Variants in PTPRD observed in about 807,000 individuals in gnomAD.
PTPRD encodes the protein protein tyrosine phosphatase receptor type D.
A neutral mutation model predicts 214.5 loss-of-function variants in PTPRD; 34 were observed. The observed-to-expected ratio is 0.16, with a 90% CI of 0.12 to 0.21. The LOEUF (loss-of-function observed/expected upper bound fraction) is 0.21. PTPRD is among the 10% of genes least tolerant of loss of function. The pLI is 1.00. For missense variants in PTPRD, 2,545 were observed against 2,398.7 expected (o/e 1.06, Z -1.27); for synonymous variants, 1,128 against 845.7 (o/e 1.33, Z -5.79).
Position 10,564,351 on chromosome 9 carries a change from C to T in PTPRD, c.-600+48047G>A, listed in dbSNP as rs549987002. 4.0e-5 allele frequency among the ~76,000 whole-genome samples: 6 copies of T among 150,736 alleles called. No homozygotes were observed. The South Asian group carries it at 1.0e-3, about 26-fold the overall frequency. ...TTTTAAAATAGACGAAACCGTTTTC[C>T]AGTGAACTATATTTTCCCTGATTTC... On this transcript the variant is annotated intron_variant, in intron 2 of 45. Coordinates refer to ENST00000381196, the MANE Select transcript of PTPRD (RefSeq NM_002839.4).
chr9:8,588,381 A>C (rs2093834726), intron 14 of PTPRD, among the ~76,000 whole-genome samples: 1 of 152,182 alleles, frequency 6.6e-6, no homozygotes. Context: ...TATTAAGCTT[A>C]TGACAACTGC....
intron 28 of PTPRD, 134 bp downstream of exon 28, chr9:8,485,628 A>C: frequency 1.2e-6 from 1 of 830,334 alleles, no homozygotes; most frequent in Non-Finnish European, 1.8e-6. Context: ...AGTAAGTTTT[A>C]CATACTTTAC....
At chr9:8,395,223 C>T (rs2090793116) in intron 36 of PTPRD, among the ~76,000 whole-genome samples, 2 of 152,142 alleles carry the variant, frequency 1.3e-5, no homozygotes, top group African/African-American at 4.8e-5. Context: ...ACAAAAGCTA[C>T]CTTTCATTTG....
chr9:8,469,358 T>A (rs2096608474), intron 31 of PTPRD, among the ~76,000 whole-genome samples: 1 of 152,100 alleles, frequency 6.6e-6, no homozygotes. Flanking sequence ...TTGATGTCAT[T>A]CTGGCTTGGA....
chr9:9,851,549 A>C (rs1465508857), intron 5 of PTPRD, among the ~76,000 whole-genome samples: 1 of 152,254 alleles, frequency 6.6e-6, no homozygotes, highest in Non-Finnish European at 1.5e-5. Context: ...TACATTATTT[A>C]CAAAAGGTGT....
intron 7 of PTPRD, among the ~76,000 whole-genome samples, chr9:9,668,478 T>A (rs574434693): frequency 6.6e-5 from 10 of 152,280 alleles, no homozygotes; most frequent in African/African-American, 2.4e-4. Context: ...TACTACTGCC[T>A]TTTTAGTACA....
intron 12 of PTPRD, among the ~76,000 whole-genome samples, chr9:8,703,152 T>C (rs77389897): frequency 0.039 from 5,938 of 152,296 alleles, 174 homozygotes; most frequent in Non-Finnish European, 0.064. Flanking sequence ...AATCTGGAAA[T>C]CTATTTAGAC....
intron 2 of PTPRD, among the ~76,000 whole-genome samples, chr9:10,592,811 G>A (rs541870973): frequency 4.6e-5 from 7 of 152,070 alleles, no homozygotes; most frequent in African/African-American, 1.7e-4. Flanking sequence ...CAATCGCAGG[G>A]AGGATTGAAA....
chr9:10,023,625 T>G (rs2096866191), intron 4 of PTPRD, among the ~76,000 whole-genome samples: 1 of 150,148 alleles, frequency 6.7e-6, no homozygotes, highest in African/African-American at 2.5e-5. Context: ...GGAACTATTT[T>G]TTTTTTTCTA....
chr9:8,742,836 G>C (rs1279878635), intron 11 of PTPRD, among the ~76,000 whole-genome samples: 2 of 152,098 alleles, frequency 1.3e-5, no homozygotes, highest in African/African-American at 4.8e-5. Flanking sequence ...TCCATCCTCA[G>C]GGTGATCAAA....
At chr9:8,879,031 C>G (rs2098419573) in intron 11 of PTPRD, among the ~76,000 whole-genome samples, 1 of 152,182 alleles carries the variant, frequency 6.6e-6, no homozygotes, top group African/African-American at 2.4e-5. Context: ...TACTGTGGAA[C>G]ACTTATTTTA....
In PTPRD at chr9:9,451,291, A is replaced by C. The variant is rs139409524; in HGVS notation, c.-236-53809T>G. Reference sequence around the variant, plus strand: ...ATAAGGTTTAAAGAGAAATAAACACAAGGCTATAGGAAAACACTTCATCTG... The same window carrying C: ...ATAAGGTTTAAAGAGAAATAAACACCAGGCTATAGGAAAACACTTCATCTG... On this transcript the variant is annotated intron_variant, in intron 8 of 45. Transcript: ENST00000381196. Among the ~76,000 whole-genome samples, 52 of 151,860 alleles carry C rather than the reference A, an allele frequency of 3.4e-4. 1 individual carries two copies. The East Asian group carries it at 8.1e-3, about 24-fold the overall frequency.
intron 10 of PTPRD, among the ~76,000 whole-genome samples, chr9:9,144,589 T>TA (rs1286209749): frequency 2.6e-5 from 4 of 151,910 alleles, no homozygotes; most frequent in African/African-American, 9.7e-5. Context: ...CCGTCTCTAC[T>TA]AAAAATAGAA....
At chr9:8,897,569 C>A (rs2098630144) in intron 11 of PTPRD, among the ~76,000 whole-genome samples, 1 of 152,164 alleles carries the variant, frequency 6.6e-6, no homozygotes, top group African/African-American at 2.4e-5. Context: ...CATGAGCTGT[C>A]TGCACCAGTA....
chr9:9,090,224 T>G (rs2099773590), intron 10 of PTPRD, among the ~76,000 whole-genome samples: 4 of 152,030 alleles, frequency 2.6e-5, no homozygotes, highest in Admixed American at 2.0e-4. Flanking sequence ...TCCATACCCT[T>G]CTCAGCCTCT....
chr9:8,348,718 A>G (rs187148508), intron 39 of PTPRD, among the ~76,000 whole-genome samples: 1 of 152,278 alleles, frequency 6.6e-6, no homozygotes. Context: ...CAAATTAAAC[A>G]TGTTTTATGC....
intron 2 of PTPRD, among the ~76,000 whole-genome samples, chr9:10,465,094 C>A (rs879665903): frequency 6.6e-6 from 1 of 152,090 alleles, no homozygotes; most frequent in South Asian, 2.1e-4. Flanking sequence ...ATAGAAAACA[C>A]TGAGTGCCTT....
intron 11 of PTPRD, among the ~76,000 whole-genome samples, chr9:8,785,285 C>A (rs1054983230): frequency 6.6e-6 from 1 of 152,156 alleles, no homozygotes; most frequent in African/African-American, 2.4e-5. Flanking sequence ...GTCATACCGG[C>A]ATAACTATTG....
At chr9:9,432,753 T>C (rs1014360966) in intron 8 of PTPRD, among the ~76,000 whole-genome samples, 1 of 152,226 alleles carries the variant, frequency 6.6e-6, no homozygotes, top group Non-Finnish European at 1.5e-5. Flanking sequence ...GAAGCCACTT[T>C]AATACCTAAG....
Sources: gnomAD v4.1 joint callset for allele counts (sites outside exome capture counted in the v4.1 genomes callset) on GRCh38, gnomAD v4.1.1 for gene constraint, MANE v1.5 for transcripts, NCBI Gene and HGNC (gene_info 2026-07-23, HGNC 2026-07-21) for gene names.